The following GLT1D1 variants were observed in gnomAD, a reference collection of about 807,000 sequenced individuals.
GLT1D1 encodes glycosyltransferase 1 domain-containing protein 1.
In GLT1D1, 21 loss-of-function variants were observed where a neutral mutation model predicts 28.7. That is an observed-to-expected ratio of 0.73 (90% confidence interval 0.52 to 1.05). The LOEUF is 1.05. Ranked by LOEUF, GLT1D1 falls within the 50% of genes least tolerant of loss-of-function variation. The probability of loss-of-function intolerance (pLI) is 0.00; values close to 1 mark genes in which losing one functional copy is unlikely to be tolerated. For synonymous variants in GLT1D1, 147 were observed against 124.8 expected, an observed-to-expected ratio of 1.18 and a Z score of -1.19; for missense variants, 343 against 330.6, an observed-to-expected ratio of 1.04 and a Z score of -0.29.
chr12:128,868,045 G>T (rs1956591221), intron 1 of GLT1D1, among the ~76,000 whole-genome samples: 2 of 152,246 alleles, frequency 1.3e-5, no homozygotes, highest in African/African-American at 4.8e-5. Flanking sequence ...AACCTAAATT[G>T]TCTTGGACAA....
chr12:128,964,571 A>G (rs951319845), intron 7 of GLT1D1, among the ~76,000 whole-genome samples: 3 of 152,210 alleles, frequency 2.0e-5, no homozygotes, highest in African/African-American at 4.8e-5. Flanking sequence ...TCTGCTTTAC[A>G]TGGATGGACT....
intron 6 of GLT1D1, among the ~76,000 whole-genome samples, chr12:128,954,928 C>G (rs987952893): frequency 6.6e-6 from 1 of 152,178 alleles, no homozygotes; most frequent in Non-Finnish European, 1.5e-5. Flanking sequence ...CATTCCAGCC[C>G]GGGCAACAGA....
intron 4 of GLT1D1, among the ~76,000 whole-genome samples, chr12:128,910,797 T>G (rs1014753479): frequency 1.3e-5 from 2 of 152,110 alleles, no homozygotes; most frequent in African/African-American, 4.8e-5. Flanking sequence ...CACACATACC[T>G]GCTTGCACGA....
chr12:128,945,128 T>TA, intron 4 of GLT1D1, 198 bp from the exon 9 acceptor site: 2 of 730,254 alleles, frequency 2.7e-6, no homozygotes, highest in Non-Finnish European at 2.5e-6. Context: ...TATTGAGTGA[T>TA]ACGCGACGAC....
In GLT1D1 at chr12:128,861,976, G is replaced by A. The variant is rs12315827; in HGVS notation, c.68+8327G>A. 3.9e-3 allele frequency among the ~76,000 whole-genome samples: 601 copies of A among 152,256 alleles called. 2 individuals are homozygous for A. Among genetic ancestry groups the A allele is most frequent in the African/African-American group, 0.014 (569 of 41,538 alleles). ...ACAAGGAGGCTATTTTATTTTTTCT[G>A]CCTTCCTTGGTTTTGTTTGTTTTTT... is the stretch of plus-strand genomic sequence containing the variant. On this transcript the variant is annotated intron_variant, in intron 1 of 7. Transcript: ENST00000281703.
At chr12:128,907,289 C>A (rs912731594) in intron 4 of GLT1D1, among the ~76,000 whole-genome samples, 2 of 147,886 alleles carry the variant, frequency 1.4e-5, no homozygotes, top group African/African-American at 5.0e-5. Flanking sequence ...TTGATCATGT[C>A]CCAGGAAGCT....
chr12:128,972,460 G>A (rs1488529665), intron 7 of GLT1D1, among the ~76,000 whole-genome samples: 1 of 152,206 alleles, frequency 6.6e-6, no homozygotes, highest in Non-Finnish European at 1.5e-5. Context: ...GGGAGGCTGG[G>A]AATTGTGGCC....
chr12:128,966,498 C>T (rs1428473890), intron 7 of GLT1D1, among the ~76,000 whole-genome samples: 1 of 152,212 alleles, frequency 6.6e-6, no homozygotes, highest in African/African-American at 2.4e-5. Context: ...ACACTGCTTG[C>T]TCCCCACACC....
At chr12:128,969,237 G>A (rs1174713132) in intron 7 of GLT1D1, among the ~76,000 whole-genome samples, 1 of 149,674 alleles carries the variant, frequency 6.7e-6, no homozygotes, top group Non-Finnish European at 1.5e-5. Flanking sequence ...CTCTTCCTCT[G>A]TCTCTGTTTC....
intron 4 of GLT1D1, among the ~76,000 whole-genome samples, chr12:128,925,758 C>G (rs540981802): frequency 6.6e-6 from 1 of 152,308 alleles, no homozygotes; most frequent in South Asian, 2.1e-4. Context: ...CGTCTGGCTC[C>G]TATTTCAGTC....
intron 1 of GLT1D1, chr12:128,864,184 G>A (rs138799291): frequency 2.9e-6 from 2 of 683,262 alleles, no homozygotes; most frequent in African/African-American, 1.8e-5. Context: ...CACACTGTAA[G>A]TTTTTGTTGA....
At chr12:128,956,792 A>G (rs1194561732) in intron 6 of GLT1D1, among the ~76,000 whole-genome samples, 1 of 152,128 alleles carries the variant, frequency 6.6e-6, no homozygotes, top group East Asian at 1.9e-4. Flanking sequence ...GTGTGTTACC[A>G]TCTGTTACAA....
intron 1 of GLT1D1, among the ~76,000 whole-genome samples, chr12:128,869,725 A>G (rs929007530): frequency 1.3e-5 from 2 of 151,858 alleles, no homozygotes; most frequent in East Asian, 3.9e-4. Flanking sequence ...ATCTTACTGG[A>G]CTATGGGGGC....
In GLT1D1 at chr12:128,970,798, G is replaced by T. The variant is rs944709976; in HGVS notation, c.640-12131G>T. On this transcript the variant is annotated intron_variant, in intron 7 of 7. Transcript: ENST00000281703. ...TTGGGTTTCCTCTGTCCCCGCACCT[G>T]TGTCTGTGTACACTGCACTCTTTGC... Among the ~76,000 whole-genome samples, 3 of 152,318 alleles carry T rather than the reference G, an allele frequency of 2.0e-5. No individual in the cohort carries two copies. The East Asian group carries it at 5.8e-4, about 29-fold the overall frequency.
chr12:128,914,634 A>G (rs1871905123), intron 4 of GLT1D1, among the ~76,000 whole-genome samples: 1 of 152,018 alleles, frequency 6.6e-6, no homozygotes, highest in Non-Finnish European at 1.5e-5. Flanking sequence ...AGCCTGGCCA[A>G]CATGGTGAAA....
In GLT1D1 at chr12:128,973,179, GTTTTTT is replaced by G. The variant is rs61169176; in HGVS notation, c.640-9728_640-9723del. ...CTTTTCTGTTTTGTTTGTTTGCTTGGTTTTTTTTTTTTTTTTTTTTTTTTTTTGAGA... is the reference window on the plus strand; with the variant it reads ...CTTTTCTGTTTTGTTTGTTTGCTTGGTTTTTTTTTTTTTTTTTTTTTGAGA... On this transcript the variant is annotated intron_variant, in intron 7 of 7. Transcript: ENST00000281703. Among the ~76,000 whole-genome samples, 58 of 50,972 alleles carry G rather than the reference GTTTTTT, an allele frequency of 1.1e-3. 1 individual carries two copies. The highest frequency in any genetic ancestry group is 2.7e-3 in the African/African-American group (45 of 16,692). 33.4% of individuals were successfully genotyped at this position (50,972 alleles called of 152,430 possible).
intron 7 of GLT1D1, among the ~76,000 whole-genome samples, chr12:128,976,655 A>G (rs1565927815): frequency 6.6e-6 from 1 of 152,236 alleles, no homozygotes. Flanking sequence ...TGGAAAAATA[A>G]GTATATATCA....
chr12:128,873,253 A>G (rs985096630), intron 1 of GLT1D1, among the ~76,000 whole-genome samples: 1 of 152,098 alleles, frequency 6.6e-6, no homozygotes, highest in African/African-American at 2.4e-5. Flanking sequence ...CCTTCTAGAG[A>G]TATTCTATGC....
chr12:128,976,743 C>T (rs1177343287), intron 7 of GLT1D1, among the ~76,000 whole-genome samples: 1 of 152,236 alleles, frequency 6.6e-6, no homozygotes, highest in Admixed American at 6.5e-5. Flanking sequence ...ATGCATCCTG[C>T]TCAAGGCTTT....
Sources: gnomAD v4.1 joint callset for allele counts (sites outside exome capture counted in the v4.1 genomes callset) on GRCh38, gnomAD v4.1.1 for gene constraint, MANE v1.5 for transcripts, NCBI Gene and HGNC (gene_info 2026-07-23, HGNC 2026-07-21) for gene names.